Variants in ATP10A observed in about 807,000 individuals in gnomAD.
ATP10A encodes the protein phospholipid-transporting ATPase VA.
Under a neutral mutation model 147.8 loss-of-function variants are expected in ATP10A, and 111 were observed. That is an observed-to-expected ratio of 0.75 (90% CI 0.64 to 0.88). The LOEUF (loss-of-function observed/expected upper bound fraction) is 0.88, where lower values mean the gene tolerates loss of function less well. Ranked by LOEUF, ATP10A falls within the 40% of genes least tolerant of loss-of-function variation. ATP10A has a pLI of 0.00. For synonymous variants in ATP10A, 875 were observed against 841.6 expected (o/e 1.04, Z -0.69); for missense variants, 1,927 against 1,959.0 (o/e 0.98, Z 0.31).
intron 2 of ATP10A, among the ~76,000 whole-genome samples, chr15:25,751,908 A>G (rs895328454): frequency 5.3e-5 from 8 of 152,206 alleles, no homozygotes; most frequent in Admixed American, 5.2e-4. Context: ...AGACATATGA[A>G]AAAATGCTCA....
intron 3 of ATP10A, among the ~76,000 whole-genome samples, chr15:25,728,013 TGCTGTG>T: frequency 1.3e-5 from 2 of 152,196 alleles, no homozygotes; most frequent in East Asian, 3.9e-4. Context: ...AGCCCAGGCC[TGCTGTG>T]GTTCCAGGTT....
At chr15:25,697,959 C>T (rs1900437350) in intron 13 of ATP10A, among the ~76,000 whole-genome samples, 1 of 152,094 alleles carries the variant, frequency 6.6e-6, no homozygotes, top group African/African-American at 2.4e-5. Context: ...GGGCATTCTA[C>T]AAAATACCTG....
intron 15 of ATP10A, among the ~76,000 whole-genome samples, chr15:25,689,840 C>T (rs1167968884): frequency 6.6e-6 from 1 of 152,210 alleles, no homozygotes. Flanking sequence ...GGAGAGCAGG[C>T]ATGGCAGCTC....
At chr15:25,810,934 C>G (rs1001983503) in intron 1 of ATP10A, among the ~76,000 whole-genome samples, 2 of 152,044 alleles carry the variant, frequency 1.3e-5, no homozygotes, top group East Asian at 3.9e-4. Context: ...AAAGCCAGGA[C>G]GGTCTGATCT....
rs913849906 is a variant in ATP10A, at chr15:25,714,251, A to T, written c.1777-10T>A. On this transcript the variant is annotated splice_polypyrimidine_tract_variant and intron_variant, in intron 9 of 20. Coordinates refer to ENST00000555815, the MANE Select transcript of ATP10A (RefSeq NM_024490.4). Reference sequence around the variant, plus strand: ...CAAACCTCACCCTCACCTGCAAGAGAAATGGTCAGAAGGCAGGTGAGGGAA... The same window carrying T: ...CAAACCTCACCCTCACCTGCAAGAGTAATGGTCAGAAGGCAGGTGAGGGAA... 5 of 1,598,566 alleles carry T rather than the reference A, an allele frequency of 3.1e-6. No individual in the cohort carries two copies. The highest frequency in any genetic ancestry group is 1.3e-5 in the African/African-American group (1 of 74,946).
chr15:25,814,735 C>T (rs559518242), intron 1 of ATP10A, among the ~76,000 whole-genome samples: 1 of 152,288 alleles, frequency 6.6e-6, no homozygotes, highest in African/African-American at 2.4e-5. Context: ...AGCTACCGTG[C>T]ATTGCCCTTG....
chr15:25,713,750 C>T lies in ATP10A; in HGVS notation c.2268G>A (p.Pro756=), dbSNP rs144210517. ...TGTAGACGTTGATCTCATCGGTAAG[C>T]GGGTGCCGGATCACCACTGACATCC... The part of the protein sequence containing the change: ...RKRMSVVIRH[P]LTDEINVYTK... Residue 756 remains proline, a synonymous_variant, in exon 10 of 21, where the codon CCG becomes CCA. Transcript: ENST00000555815. 7 of 1,613,942 alleles carry T rather than the reference C, an allele frequency of 4.3e-6. No homozygotes were observed. In the African/African-American group the frequency reaches 6.7e-5, roughly 15 times the overall value.
At chr15:25,836,218 G>A (rs1326673864) in intron 1 of ATP10A, among the ~76,000 whole-genome samples, 1 of 152,136 alleles carries the variant, frequency 6.6e-6, no homozygotes, top group African/African-American at 2.4e-5. Context: ...CAAAGTACTG[G>A]GATTACAGGT....
intron 2 of ATP10A, among the ~76,000 whole-genome samples, chr15:25,741,688 G>A (rs1028786019): frequency 5.3e-5 from 8 of 152,134 alleles, no homozygotes; most frequent in African/African-American, 1.7e-4. Flanking sequence ...CAGATGGCCC[G>A]ATCCCAATAC....
At chr15:25,792,805 T>C (rs1311728243) in intron 1 of ATP10A, among the ~76,000 whole-genome samples, 1 of 151,926 alleles carries the variant, frequency 6.6e-6, no homozygotes, top group Non-Finnish European at 1.5e-5. Context: ...TGAGACCATC[T>C]TTACCTGCAC....
chr15:25,697,214 G>C (rs117691547), intron 13 of ATP10A, among the ~76,000 whole-genome samples: 6 of 152,278 alleles, frequency 3.9e-5, no homozygotes, highest in Non-Finnish European at 8.8e-5. Context: ...GTGACCTCTG[G>C]AGGGCAAAAA....
intron 2 of ATP10A, among the ~76,000 whole-genome samples, chr15:25,753,978 C>T (rs559980957): frequency 1.3e-5 from 2 of 152,102 alleles, no homozygotes; most frequent in South Asian, 2.1e-4. Context: ...TAAAAAATTG[C>T]TGTAGAGATG....
chr15:25,818,714 C>G (rs1041397676), intron 1 of ATP10A, among the ~76,000 whole-genome samples: 1 of 152,096 alleles, frequency 6.6e-6, no homozygotes, highest in African/African-American at 2.4e-5. Context: ...ATATGTGAAG[C>G]CTTTAGTAAT....
intron 1 of ATP10A, among the ~76,000 whole-genome samples, chr15:25,797,182 T>A (rs543883635): frequency 1.3e-5 from 2 of 152,320 alleles, no homozygotes; most frequent in African/African-American, 4.8e-5. Flanking sequence ...GAATTCAACA[T>A]TTTTAGGTTC....
intron 1 of ATP10A, among the ~76,000 whole-genome samples, chr15:25,850,837 G>T (rs1304505678): frequency 6.6e-6 from 1 of 152,164 alleles, no homozygotes; most frequent in Non-Finnish European, 1.5e-5. Context: ...ACTGTTATTA[G>T]AAGTATACAA....
chr15:25,706,197 C>T (rs887101566), intron 12 of ATP10A, among the ~76,000 whole-genome samples: 22 of 152,142 alleles, frequency 1.4e-4, no homozygotes, highest in Non-Finnish European at 2.9e-5. Flanking sequence ...CCTCGGGTGC[C>T]GCAGGGGCCG....
At chr15:25,717,453 T>A (rs1901891300) in intron 8 of ATP10A, among the ~76,000 whole-genome samples, 2 of 152,216 alleles carry the variant, frequency 1.3e-5, no homozygotes, top group Non-Finnish European at 2.9e-5. Flanking sequence ...TTGAATACTT[T>A]AAATACTCTT....
At chr15:25,790,894 A>G (rs1261202703) in intron 1 of ATP10A, among the ~76,000 whole-genome samples, 1 of 152,104 alleles carries the variant, frequency 6.6e-6, no homozygotes, top group Non-Finnish European at 1.5e-5. Context: ...TAATTCATTC[A>G]TTGGTATGAC....
chr15:25,749,938 G>C (rs1284450652), intron 2 of ATP10A, among the ~76,000 whole-genome samples: 2 of 151,956 alleles, frequency 1.3e-5, no homozygotes, highest in African/African-American at 4.8e-5. Flanking sequence ...GAAATACTAA[G>C]AGAAAAAAGA....
Sources: gnomAD v4.1 joint callset for allele counts (sites outside exome capture counted in the v4.1 genomes callset) on GRCh38, gnomAD v4.1.1 for gene constraint, MANE v1.5 for transcripts, NCBI Gene and HGNC (gene_info 2026-07-23, HGNC 2026-07-21) for gene names.